Variants in TENM4 observed in about 807,000 individuals in gnomAD.
TENM4 encodes the protein teneurin transmembrane protein 4.
A neutral mutation model predicts 243.3 loss-of-function variants in TENM4; 82 were observed. The observed-to-expected ratio is 0.34, with a 90% CI of 0.28 to 0.40. The LOEUF (loss-of-function observed/expected upper bound fraction) is 0.40. TENM4 is among the 10% of genes least tolerant of loss of function. The pLI is 1.00. For missense variants in TENM4, 3,138 were observed against 3,673.3 expected, an observed-to-expected ratio of 0.85 and a Z score of 3.77; for synonymous variants, 1,412 against 1,456.3, an observed-to-expected ratio of 0.97 and a Z score of 0.69.
At chr11:79,060,670 A>C (rs1052119066) in intron 6 of TENM4, among the ~76,000 whole-genome samples, 2 of 152,234 alleles carry the variant, frequency 1.3e-5, no homozygotes, top group African/African-American at 4.8e-5. Context: ...GACTCAGAGA[A>C]ACCAGACTTC....
intron 19 of TENM4, among the ~76,000 whole-genome samples, chr11:78,745,709 T>C (rs746081068): frequency 2.0e-5 from 3 of 152,230 alleles, no homozygotes; most frequent in Non-Finnish European, 4.4e-5. Flanking sequence ...ACTGTATAGA[T>C]AGAGCCCCTA....
intron 3 of TENM4, among the ~76,000 whole-genome samples, chr11:79,205,242 A>G (rs946120812): frequency 2.0e-5 from 3 of 152,180 alleles, no homozygotes; most frequent in East Asian, 3.8e-4. Context: ...AGCTTCCCCA[A>G]TGGTAACATT....
At chr11:79,129,893 C>T (rs575724237) in intron 4 of TENM4, among the ~76,000 whole-genome samples, 1 of 152,170 alleles carries the variant, frequency 6.6e-6, no homozygotes, top group Non-Finnish European at 1.5e-5. Context: ...AGCTGAGGCT[C>T]TCTGGAAAGT....
intron 1 of TENM4, among the ~76,000 whole-genome samples, chr11:79,335,441 T>C (rs557101146): frequency 6.6e-6 from 1 of 152,284 alleles, no homozygotes; most frequent in Non-Finnish European, 1.5e-5. Flanking sequence ...GGAGAAGACA[T>C]AAACTAAGAA....
At chr11:78,674,758 C>A (rs994096626) in intron 30 of TENM4, among the ~76,000 whole-genome samples, 1 of 152,156 alleles carries the variant, frequency 6.6e-6, no homozygotes, top group Non-Finnish European at 1.5e-5. Context: ...TAGATAGTCA[C>A]TAGAGCTCTT....
intron 4 of TENM4, among the ~76,000 whole-genome samples, chr11:79,104,434 T>C (rs1275874133): frequency 2.0e-5 from 3 of 152,246 alleles, no homozygotes; most frequent in Admixed American, 6.5e-5. Flanking sequence ...GATCACGTTT[T>C]TAACATTAGA....
At position 78,672,243 on chromosome 11, in the gene TENM4, A is replaced by C; in HGVS notation, c.5583T>G (p.Leu1861=). 6.2e-7 allele frequency: 1 copy of C among 1,614,058 alleles called. No individual in the cohort carries two copies. Among genetic ancestry groups the C allele is most frequent in the Non-Finnish European group, 8.5e-7 (1 of 1,179,900 alleles). The change falls in exon 31 of 34, where the codon CTT becomes CTG. Residue 1861 remains leucine, a synonymous_variant. Coordinates refer to ENST00000278550, the MANE Select transcript of TENM4 (RefSeq NM_001098816.3). Reference sequence around the variant, plus strand: ...GCCCCGCCTGGTCGTACAGAATCCGAAGGGTGAACTTGCGGTGGTCATCAT... The same window carrying C: ...GCCCCGCCTGGTCGTACAGAATCCGCAGGGTGAACTTGCGGTGGTCATCAT... The part of the protein sequence containing the change: ...KIYDDHRKFT[L]RILYDQAGRP...
At chr11:78,739,781 G>T (rs186508031) in intron 19 of TENM4, among the ~76,000 whole-genome samples, 1 of 152,206 alleles carries the variant, frequency 6.6e-6, no homozygotes, top group African/African-American at 2.4e-5. Context: ...TGGAGTTTCC[G>T]TGTCTGCAGA....
At chr11:79,107,592 T>A (rs2137094812) in intron 4 of TENM4, among the ~76,000 whole-genome samples, 1 of 152,348 alleles carries the variant, frequency 6.6e-6, no homozygotes, top group African/African-American at 2.4e-5. Flanking sequence ...TTTGACCTTG[T>A]GTCCATGATG....
At chr11:78,963,722 G>A (rs1202624863) in intron 6 of TENM4, among the ~76,000 whole-genome samples, 1 of 129,004 alleles carries the variant, frequency 7.8e-6, no homozygotes, top group Admixed American at 9.5e-5. Flanking sequence ...GATTTGGCAG[G>A]TTCCATGACT....
intron 32 of TENM4, among the ~76,000 whole-genome samples, chr11:78,662,643 T>C (rs985689603): frequency 6.6e-6 from 1 of 152,106 alleles, no homozygotes; most frequent in African/African-American, 2.4e-5. Flanking sequence ...TACTGGAGAA[T>C]GGAATCAGGA....
intron 1 of TENM4, among the ~76,000 whole-genome samples, chr11:79,394,191 T>A (rs911203413): frequency 6.6e-6 from 1 of 152,044 alleles, no homozygotes; most frequent in Non-Finnish European, 1.5e-5. Flanking sequence ...CCCTTGAAGG[T>A]TCTCTCCAGA....
chr11:79,164,270 A>C (rs1862849216), intron 3 of TENM4, among the ~76,000 whole-genome samples: 3 of 127,094 alleles, frequency 2.4e-5, no homozygotes, highest in Admixed American at 8.4e-5. Context: ...TAGATATACT[A>C]GTATATATAG....
chr11:79,422,801 G>A (rs780551034), intron 1 of TENM4, among the ~76,000 whole-genome samples: 1 of 152,176 alleles, frequency 6.6e-6, no homozygotes, highest in Non-Finnish European at 1.5e-5. Flanking sequence ...CAGGGACTGT[G>A]GCCCAGGAGC....
intron 2 of TENM4, among the ~76,000 whole-genome samples, chr11:79,290,600 G>A (rs1401332316): frequency 6.6e-6 from 1 of 152,046 alleles, no homozygotes; most frequent in South Asian, 2.1e-4. Context: ...AGTATCCAGG[G>A]ATCTCGGTGG....
At chr11:79,054,152 T>C (rs1260657377) in intron 6 of TENM4, among the ~76,000 whole-genome samples, 1 of 152,130 alleles carries the variant, frequency 6.6e-6, no homozygotes, top group African/African-American at 2.4e-5. Flanking sequence ...CCACAGCCCA[T>C]AGTTACTCTA....
chr11:79,328,501 G>A (rs138718392), intron 1 of TENM4, among the ~76,000 whole-genome samples: 1 of 152,206 alleles, frequency 6.6e-6, no homozygotes, highest in East Asian at 1.9e-4. Context: ...ATGCTAAGTG[G>A]CTTCTTGTTC....
At chr11:78,804,668 T>C (rs1265909490) in intron 15 of TENM4, among the ~76,000 whole-genome samples, 1 of 152,200 alleles carries the variant, frequency 6.6e-6, no homozygotes, top group African/African-American at 2.4e-5. Context: ...CAAGAACACA[T>C]TCAATCATGT....
intron 1 of TENM4, among the ~76,000 whole-genome samples, chr11:79,339,039 C>G (rs998911659): frequency 1.3e-5 from 2 of 152,206 alleles, no homozygotes; most frequent in African/African-American, 4.8e-5. Flanking sequence ...ACCTCAAACA[C>G]AACACAGTCA....
Sources: gnomAD v4.1 joint callset for allele counts (sites outside exome capture counted in the v4.1 genomes callset) on GRCh38, gnomAD v4.1.1 for gene constraint, MANE v1.5 for transcripts, NCBI Gene and HGNC (gene_info 2026-07-23, HGNC 2026-07-21) for gene names.